Variants in R3HDM4 observed in about 807,000 individuals in gnomAD.
The protein encoded by R3HDM4 is R3H domain-containing protein 4.
A neutral mutation model predicts 31.3 loss-of-function variants in R3HDM4; 30 were observed. The observed-to-expected ratio is 0.96, with a 90% CI of 0.72 to 1.30. The LOEUF (loss-of-function observed/expected upper bound fraction) is 1.30, where lower values mean the gene tolerates loss of function less well. Ranked by LOEUF, R3HDM4 falls within the 50% of genes most tolerant of loss-of-function variation. R3HDM4 has a pLI of 0.00. For missense variants in R3HDM4, 444 were observed against 366.1 expected (o/e 1.21, Z -1.74); for synonymous variants, 196 against 156.6 (o/e 1.25, Z -1.88).
chr19:911,939 G>T (rs1474479284), intron 1 of R3HDM4, among the ~76,000 whole-genome samples: 1 of 151,398 alleles, frequency 6.6e-6, no homozygotes, highest in Non-Finnish European at 1.5e-5. Context: ...AGTGGGGCCG[G>T]GCGTGCGGCA....
intron 1 of R3HDM4, among the ~76,000 whole-genome samples, chr19:903,719 G>T (rs886492448): frequency 4.6e-5 from 7 of 152,064 alleles, no homozygotes; most frequent in Non-Finnish European, 1.0e-4. Flanking sequence ...CTGCAATACC[G>T]CGCGCTCCAG....
chr19:900,017 G>A (rs759158734), intron 5 of R3HDM4, 44 bp downstream of exon 5: 7 of 1,580,392 alleles, frequency 4.4e-6, no homozygotes, highest in Non-Finnish European at 5.2e-6. Context: ...CTTCAAAAAA[G>A]ACCAGGCAGG....
intron 1 of R3HDM4, among the ~76,000 whole-genome samples, chr19:902,850 G>A (rs947818381): frequency 1.3e-5 from 2 of 152,126 alleles, no homozygotes; most frequent in Non-Finnish European, 2.9e-5. Flanking sequence ...GCTGAAGTGA[G>A]AGAATCGCTT....
At position 897,108 on chromosome 19, in the gene R3HDM4, A is replaced by C. The variant is rs1175859995; in HGVS notation, c.*329T>G. The C allele has an allele frequency of 1.4e-5, 4 of 287,008 alleles. No individual in the cohort carries two copies. The East Asian group carries it at 2.4e-4, about 17-fold the overall frequency. 17.8% of individuals were successfully genotyped at this position (287,008 alleles called of 1,614,324 possible). A position where few individuals can be genotyped will look rare whatever the true frequency, so the allele number is the denominator to read the frequency against. On this transcript the variant is annotated 3_prime_UTR_variant, in exon 8 of 8. Coordinates refer to ENST00000361574, the MANE Select transcript of R3HDM4 (RefSeq NM_138774.4). The stretch of plus-strand genomic sequence containing the variant: ...ACCAAATTCATTAAAAGTGATAAAA[A>C]CCCAGCCTCCCCCTCCTCACTTGAG...
Position 899,724 on chromosome 19 carries a change from C to A in R3HDM4, c.562-38G>T, listed in dbSNP as rs2036800295. On this transcript the variant is annotated intron_variant, in intron 5 of 7. Transcript: ENST00000361574. The surrounding 1 kb of genome is among the most constrained non-coding windows in gnomAD (Gnocchi z 6.8). ...GCCCGGTGGTCAGGGAACTGCGGGACCTGTGGGTGGGGGGCCAGGGAGGTC... is the reference window on the plus strand; with the variant it reads ...GCCCGGTGGTCAGGGAACTGCGGGAACTGTGGGTGGGGGGCCAGGGAGGTC... 6.7e-7 allele frequency: 1 copy of A among 1,490,860 alleles called. No homozygotes were observed. Among genetic ancestry groups the A allele is most frequent in the South Asian group, 1.3e-5 (1 of 76,466 alleles). The allele number at this position is 1,490,860 out of a possible 1,614,324, so 92.4% of individuals were successfully genotyped here. A position where few individuals can be genotyped will look rare whatever the true frequency, so the allele number is the denominator to read the frequency against.
In R3HDM4 at chr19:899,697, C is replaced by T. The variant is rs780325277; in HGVS notation, c.562-11G>A. On this transcript the variant is annotated splice_polypyrimidine_tract_variant and intron_variant, in intron 5 of 7. Coordinates refer to ENST00000361574, the MANE Select transcript of R3HDM4 (RefSeq NM_138774.4). This position sits in a 1 kb window ranked among gnomAD's most constrained non-coding sequence, Gnocchi z 6.8. ...GGTCTCCAGCGTTTCCTGGGGAGAG[C>T]GGCCCGGTGGTCAGGGAACTGCGGG... is the stretch of plus-strand genomic sequence containing the variant. 19 of 1,561,174 alleles carry T rather than the reference C, an allele frequency of 1.2e-5. No individual in the cohort carries two copies. The highest frequency in any genetic ancestry group is 3.6e-4 in the Middle Eastern group (2 of 5,550).
chr19:898,228 AAATATAT>A (rs1334508507), intron 7 of R3HDM4, among the ~76,000 whole-genome samples: 1 of 129,726 alleles, frequency 7.7e-6, no homozygotes, highest in Non-Finnish European at 1.6e-5. Flanking sequence ...CTAAAAAAAA[AAATATAT>A]ATATATATAT....
At chr19:901,873 C>G in intron 2 of R3HDM4, 103 bp downstream of exon 2, 1 of 1,444,844 alleles carries the variant, frequency 6.9e-7, no homozygotes, top group African/African-American at 1.4e-5. Flanking sequence ...TCCCCAGCCC[C>G]ACCCAGGCAC....
At chr19:905,940 C>T (rs2036898431) in intron 1 of R3HDM4, among the ~76,000 whole-genome samples, 1 of 152,196 alleles carries the variant, frequency 6.6e-6, no homozygotes, top group Non-Finnish European at 1.5e-5. Flanking sequence ...CCGAAACTGC[C>T]TCCTCGCCAG....
In R3HDM4 at chr19:903,720, C is replaced by T. The variant is rs964821056; in HGVS notation, c.72-1590G>A. Reference sequence around the variant, plus strand: ...GCGGTGAGCTGTGACTGCAATACCGCGCGCTCCAGCCTGGACAACAAGAGC... The same window carrying T: ...GCGGTGAGCTGTGACTGCAATACCGTGCGCTCCAGCCTGGACAACAAGAGC... On this transcript the variant is annotated intron_variant, in intron 1 of 7. Coordinates refer to ENST00000361574, the MANE Select transcript of R3HDM4 (RefSeq NM_138774.4). 3.9e-5 allele frequency among the ~76,000 whole-genome samples: 6 copies of T among 152,224 alleles called. 1 individual carries two copies. The highest frequency in any genetic ancestry group is 3.3e-4 in the Admixed American group (5 of 15,274).
Position 900,825 on chromosome 19 carries a change from G to T in R3HDM4, c.475+4C>A, listed in dbSNP as rs371249747. ...ACCCATACCCGCCCCAGCCAGGCCCGCACCTCTCCTCCGGTCCTCCCCACG... is the reference window on the plus strand; with the variant it reads ...ACCCATACCCGCCCCAGCCAGGCCCTCACCTCTCCTCCGGTCCTCCCCACG... On this transcript the variant is annotated splice_donor_region_variant and intron_variant, in intron 4 of 7. Transcript: ENST00000361574. 8.3e-5 allele frequency: 56 copies of T among 677,216 alleles called. 1 individual carries two copies. The highest frequency in any genetic ancestry group is 1.0e-3 in the Middle Eastern group (2 of 1,964). 42.0% of individuals were successfully genotyped at this position (677,216 alleles called of 1,614,324 possible). A position where few individuals can be genotyped will look rare whatever the true frequency, so the allele number is the denominator to read the frequency against.
At chr19:911,976 G>C (rs1470211136) in intron 1 of R3HDM4, among the ~76,000 whole-genome samples, 1 of 150,634 alleles carries the variant, frequency 6.6e-6, no homozygotes. Flanking sequence ...GCATGGCCAC[G>C]TGGGTGAACC....
chr19:902,266 C>A (rs1361576172), intron 1 of R3HDM4, 136 bp from the exon 2 acceptor site: 2 of 853,930 alleles, frequency 2.3e-6, no homozygotes, highest in Non-Finnish European at 1.8e-6. Flanking sequence ...AAGTCCTGGG[C>A]CCTTAAAATC....
In R3HDM4 at chr19:913,053, CGGCG is replaced by C; in HGVS notation, c.71+30_71+33del. 1.7e-4 allele frequency: 157 copies of C among 932,816 alleles called. No individual in the cohort carries two copies. The highest frequency in any genetic ancestry group is 1.9e-4 in the Non-Finnish European group (148 of 770,260). The allele number at this position is 932,816 out of a possible 1,614,324, so 57.8% of individuals were successfully genotyped here. A position where few individuals can be genotyped will look rare whatever the true frequency, so the allele number is the denominator to read the frequency against. The stretch of plus-strand genomic sequence containing the variant: ...CAGGGGAGGGAGCCCAGCCCGCCCC[CGGCG>C]CCCGCCGCGCCCCGCCCGCCCGCGC... On this transcript the variant is annotated intron_variant, in intron 1 of 7. Coordinates refer to ENST00000361574, the MANE Select transcript of R3HDM4 (RefSeq NM_138774.4). The surrounding 1 kb of genome is among the most constrained non-coding windows in gnomAD (Gnocchi z 5.0).
At chr19:904,224 C>T (rs2036875333) in intron 1 of R3HDM4, among the ~76,000 whole-genome samples, 1 of 152,186 alleles carries the variant, frequency 6.6e-6, no homozygotes, top group African/African-American at 2.4e-5. Flanking sequence ...AGTGGCACCT[C>T]CTGGCCGCTG....
Position 901,554 on chromosome 19 carries a change from G to A in R3HDM4, c.227-8C>T. 6.3e-7 allele frequency: 1 copy of A among 1,599,604 alleles called. No individual in the cohort carries two copies. ...GGGTCAGGAGGTACTGGGCTAGGTG[G>A]AAACAGATGCTCTCTGGGCCGGGGT... On this transcript the variant is annotated splice_region_variant and splice_polypyrimidine_tract_variant and intron_variant, in intron 2 of 7. Coordinates refer to ENST00000361574, the MANE Select transcript of R3HDM4 (RefSeq NM_138774.4).
chr19:902,064 C>G lies in R3HDM4; in HGVS notation c.138G>C (p.Arg46=). 6.2e-7 allele frequency: 1 copy of G among 1,613,922 alleles called. No homozygotes were observed. The highest frequency in any genetic ancestry group is 8.5e-7 in the Non-Finnish European group (1 of 1,180,010). ...SQVKRLSASR[R]KQHFINQAVR... is the part of the protein sequence containing the mutation. ...CTGCCTGGTTGATGAAGTGCTGTTT[C>G]CGCCTGGAAGCCGAGAGTCTCTTCA... Residue 46 remains arginine (R), a synonymous_variant, in exon 2 of 8, where the codon CGG becomes CGC. Transcript: ENST00000361574.
At position 899,598 on chromosome 19, in the gene R3HDM4, T is replaced by C. The variant is rs774370916; in HGVS notation, c.647+3A>G. The stretch of plus-strand genomic sequence containing the variant: ...GTCCGCTCGCCTGGCCGCCCCCCCT[T>C]ACCTGTTGTCTAGCATTGCTGTGTA... On this transcript the variant is annotated splice_donor_region_variant and intron_variant, in intron 6 of 7. Coordinates refer to ENST00000361574, the MANE Select transcript of R3HDM4 (RefSeq NM_138774.4). This position sits in a 1 kb window ranked among gnomAD's most constrained non-coding sequence, Gnocchi z 6.8. The C allele has an allele frequency of 3.1e-6, 5 of 1,612,532 alleles. No homozygotes were observed. The South Asian group carries it at 5.5e-5, about 18-fold the overall frequency.
At chr19:911,504 C>G (rs974172736) in intron 1 of R3HDM4, among the ~76,000 whole-genome samples, 1 of 152,236 alleles carries the variant, frequency 6.6e-6, no homozygotes, top group African/African-American at 2.4e-5. Context: ...AATGAGACAA[C>G]GGACACTCCT....
Sources: allele counts gnomAD v4.1 joint callset (sites outside exome capture counted in the v4.1 genomes callset), GRCh38; gene constraint gnomAD v4.1.1; non-coding constraint Gnocchi (gnomAD v3.1); transcripts MANE v1.5; gene names NCBI Gene and HGNC (gene_info 2026-07-23, HGNC 2026-07-21).